ABCC2: variants seen among roughly 807,000 people sequenced by gnomAD.
ABCC2 encodes the protein ATP-binding cassette sub-family C member 2.
A neutral mutation model predicts 173.4 loss-of-function variants in ABCC2; 157 were observed. The ratio of observed to expected loss-of-function variants is 0.91; its 90% CI spans 0.80 to 1.03. The LOEUF (loss-of-function observed/expected upper bound fraction) is 1.03, where lower values mean the gene tolerates loss of function less well. Ranked by LOEUF, ABCC2 falls within the 50% of genes least tolerant of loss-of-function variation. The pLI is 0.00. For synonymous variants in ABCC2, 657 were observed against 693.5 expected (o/e 0.95, Z 0.83); for missense variants, 1,822 against 1,852.3 (o/e 0.98, Z 0.30).
rs1024856612 is a variant in ABCC2 at position 99,844,400 on chromosome 10, C to A, written c.3922C>A (p.Arg1308=). 1.2e-6 allele frequency: 2 copies of A among 1,614,196 alleles called. No individual in the cohort carries two copies. The highest frequency in any genetic ancestry group is 8.5e-7 in the Non-Finnish European group (1 of 1,180,030). ...GATCCAGTTTAACAACTACCAAGTG[C>A]GGTACCGACCTGAGCTGGATCTGGT... is the stretch of plus-strand genomic sequence containing the variant. ...GKIQFNNYQV[R]YRPELDLVLR... Residue 1308 remains arginine, a synonymous_variant, in exon 28 of 32, where the codon CGG becomes AGG. Coordinates refer to ENST00000647814, the MANE Select transcript of ABCC2 (RefSeq NM_000392.5).
intron 25 of ABCC2, among the ~76,000 whole-genome samples, chr10:99,839,199 A>G (rs1251135417): frequency 2.3e-5 from 1 of 44,112 alleles, no homozygotes; most frequent in Non-Finnish European, 4.5e-5. Context: ...CAACCCCCCC[A>G]CCTCCCTCCC....
At chr10:99,821,400 G>A (rs530161094) in intron 19 of ABCC2, among the ~76,000 whole-genome samples, 1 of 152,182 alleles carries the variant, frequency 6.6e-6, no homozygotes, top group South Asian at 2.1e-4. Flanking sequence ...GTGTCGGGCT[G>A]GGGGACGGTC....
intron 25 of ABCC2, among the ~76,000 whole-genome samples, chr10:99,839,338 G>C (rs2133133809): frequency 1.0e-5 from 1 of 96,810 alleles, no homozygotes; most frequent in East Asian, 3.6e-4. Flanking sequence ...TCACCTCCCG[G>C]ACAGGGCGGC....
At chr10:99,850,522 G>T in intron 30 of ABCC2, 80 bp from the exon 31 acceptor site, 3 of 1,421,976 alleles carry the variant, frequency 2.1e-6, no homozygotes, top group Non-Finnish European at 2.9e-6. Flanking sequence ...GTCTGATCTG[G>T]AACATGAAAA....
intron 13 of ABCC2, among the ~76,000 whole-genome samples, chr10:99,809,897 C>T (rs557540465): frequency 6.6e-6 from 1 of 152,076 alleles, no homozygotes; most frequent in African/African-American, 2.4e-5. Flanking sequence ...GAATTAGGGC[C>T]GAAGACTGGA....
At chr10:99,796,541 G>A (rs1318817079) in intron 6 of ABCC2, among the ~76,000 whole-genome samples, 2 of 151,898 alleles carry the variant, frequency 1.3e-5, no homozygotes, top group Non-Finnish European at 2.9e-5. Context: ...ACAAGAAGCC[G>A]TGTGCAGTGG....
intron 26 of ABCC2, among the ~76,000 whole-genome samples, chr10:99,842,719 A>G (rs991409444): frequency 4.6e-5 from 7 of 152,216 alleles, no homozygotes; most frequent in African/African-American, 1.7e-4. Flanking sequence ...GCATAGTTAC[A>G]TGTGGGCATT....
Position 99,818,723 on chromosome 10 carries a change from T to C in ABCC2, c.2272-67T>C. 4 of 1,583,914 alleles carry C rather than the reference T, an allele frequency of 2.5e-6. No homozygotes were observed. In the South Asian group the frequency reaches 4.4e-5, roughly 18 times the overall value. On this transcript the variant is annotated intron_variant, in intron 17 of 31. Transcript: ENST00000647814. ...GAGACAAATTTCTTCCTTTTACCCC[T>C]CCCTATTAGATTCTGTGAAGGTGGA...
chr10:99,814,522 C>CAT (rs149877544), intron 16 of ABCC2, among the ~76,000 whole-genome samples: 1 of 22,234 alleles, frequency 4.5e-5, no homozygotes, highest in Non-Finnish European at 9.3e-5. Context: ...TGTATATATA[C>CAT]ATATATATAC....
At chr10:99,842,464 G>A (rs1436276819) in intron 26 of ABCC2, among the ~76,000 whole-genome samples, 1 of 152,060 alleles carries the variant, frequency 6.6e-6, no homozygotes, top group Non-Finnish European at 1.5e-5. Flanking sequence ...TTCCTCCTGT[G>A]TTTATTTTTC....
At chr10:99,789,606 T>C (rs1466656972) in intron 2 of ABCC2, among the ~76,000 whole-genome samples, 6 of 150,516 alleles carry the variant, frequency 4.0e-5, no homozygotes, top group Non-Finnish European at 4.4e-5. Flanking sequence ...TCCCATCTCC[T>C]TGGGAGGCTG....
At chr10:99,806,077 C>CTGTGTGTGTGTGTGTGTG (rs10559742) in intron 11 of ABCC2, among the ~76,000 whole-genome samples, 5 of 148,038 alleles carry the variant, frequency 3.4e-5, no homozygotes, top group African/African-American at 1.3e-4. Context: ...CTCTCTCTGT[C>CTGTGTGTGTGTGTGTGTG]TGTGTGTGTG....
intron 17 of ABCC2, 47 bp from the exon 18 acceptor site, chr10:99,818,743 G>A (rs200435408): frequency 1.5e-5 from 24 of 1,607,478 alleles, no homozygotes; most frequent in Non-Finnish European, 4.3e-6. Flanking sequence ...ATTCTGTGAA[G>A]GTGGATCTAG....
chr10:99,844,255 C>T (rs1457808617), intron 27 of ABCC2, 67 bp from the exon 28 acceptor site: 17 of 1,596,392 alleles, frequency 1.1e-5, no homozygotes, highest in Non-Finnish European at 1.5e-5. Context: ...TGACACGAGT[C>T]CTGGGTGGAC....
intron 23 of ABCC2, among the ~76,000 whole-genome samples, chr10:99,832,721 C>A (rs2038760701): frequency 6.6e-6 from 1 of 152,210 alleles, no homozygotes; most frequent in Non-Finnish European, 1.5e-5. Context: ...TTGGTCTGGA[C>A]TATGGAATAG....
intron 3 of ABCC2, 67 bp from the exon 4 acceptor site, chr10:99,793,484 A>T: frequency 1.2e-6 from 2 of 1,603,702 alleles, no homozygotes; most frequent in Non-Finnish European, 1.7e-6. Flanking sequence ...GTTCTCTGAC[A>T]TCCTTCTCCC....
chr10:99,804,865 G>T (rs1161802693), intron 10 of ABCC2, among the ~76,000 whole-genome samples: 1 of 152,152 alleles, frequency 6.6e-6, no homozygotes, highest in Non-Finnish European at 1.5e-5. Flanking sequence ...AGTGAGTTAG[G>T]GCTCCTGTTC....
rs1195731854 is a variant in ABCC2, at chr10:99,821,961, C to T, written c.2620+2692C>T. On this transcript the variant is annotated intron_variant, in intron 19 of 31. Transcript: ENST00000647814. ...CTACCAACCAATTTTGGACTGCAGG[C>T]ATTAAACATCCTGGTGCTCTCCCTA... Among the ~76,000 whole-genome samples, 9 of 152,170 alleles carry T rather than the reference C, an allele frequency of 5.9e-5. No individual in the cohort carries two copies. In the East Asian group the frequency reaches 7.7e-4, roughly 13 times the overall value.
At chr10:99,814,232 T>TATGTATACACAC (rs2038293607) in intron 16 of ABCC2, among the ~76,000 whole-genome samples, 10 of 31,208 alleles carry the variant, frequency 3.2e-4, no homozygotes, top group African/African-American at 6.9e-4. Context: ...TACACACATG[T>TATGTATACACAC]GTATATATGC....
Sources: gnomAD v4.1 joint callset for allele counts (sites outside exome capture counted in the v4.1 genomes callset) on GRCh38, gnomAD v4.1.1 for gene constraint, MANE v1.5 for transcripts, NCBI Gene and HGNC (gene_info 2026-07-23, HGNC 2026-07-21) for gene names.